Variants in SYNDIG1 observed in about 807,000 individuals in gnomAD.
The protein encoded by SYNDIG1 is synapse differentiation-inducing gene protein 1.
A neutral mutation model predicts 19.4 loss-of-function variants in SYNDIG1; 9 were observed. That is an observed-to-expected ratio of 0.46 (90% CI 0.28 to 0.81). SYNDIG1 has a LOEUF of 0.81. Ranked by LOEUF, SYNDIG1 falls within the 30% of genes least tolerant of loss-of-function variation. The pLI, the probability that SYNDIG1 is intolerant of heterozygous loss-of-function variation, is 0.12. For synonymous variants in SYNDIG1, 141 were observed against 145.9 expected, an observed-to-expected ratio of 0.97 and a Z score of 0.24; for missense variants, 311 against 343.3, an observed-to-expected ratio of 0.91 and a Z score of 0.74.
intron 1 of SYNDIG1, among the ~76,000 whole-genome samples, chr20:24,504,928 T>C (rs532621133): frequency 1.3e-5 from 2 of 152,266 alleles, no homozygotes; most frequent in South Asian, 2.1e-4. Context: ...TAGGAAATCG[T>C]TGAAGTGGCC....
intron 3 of SYNDIG1, among the ~76,000 whole-genome samples, chr20:24,641,123 T>G (rs1164819242): frequency 6.6e-6 from 1 of 152,206 alleles, no homozygotes; most frequent in African/African-American, 2.4e-5. Flanking sequence ...AATCCAAGAG[T>G]TAGAAGCTGT....
chr20:24,485,565 A>G (rs183657897), intron 1 of SYNDIG1, among the ~76,000 whole-genome samples: 1 of 152,210 alleles, frequency 6.6e-6, no homozygotes. Context: ...GCTAATTTTG[A>G]TATAATTTGG....
intron 1 of SYNDIG1, among the ~76,000 whole-genome samples, chr20:24,529,430 A>G (rs193288129): frequency 6.6e-6 from 1 of 152,042 alleles, no homozygotes; most frequent in African/African-American, 2.4e-5. Flanking sequence ...GAGTCAGATA[A>G]TATTTTAGGC....
intron 1 of SYNDIG1, among the ~76,000 whole-genome samples, chr20:24,507,591 TC>T (rs2056624899): frequency 6.6e-6 from 1 of 151,884 alleles, no homozygotes; most frequent in Non-Finnish European, 1.5e-5. Flanking sequence ...TGCAGAAGAG[TC>T]CCCTTGCCTG....
intron 3 of SYNDIG1, among the ~76,000 whole-genome samples, chr20:24,590,249 G>C (rs1195281750): frequency 2.0e-5 from 3 of 152,106 alleles, no homozygotes; most frequent in Admixed American, 2.0e-4. Context: ...GAGGCCCTGG[G>C]GGGAGCACGT....
At chr20:24,648,283 T>A (rs2147358619) in intron 3 of SYNDIG1, among the ~76,000 whole-genome samples, 1 of 152,334 alleles carries the variant, frequency 6.6e-6, no homozygotes, top group Middle Eastern at 3.4e-3. Context: ...CTTTTCCTTT[T>A]AAGACAGGAG....
intron 1 of SYNDIG1, among the ~76,000 whole-genome samples, chr20:24,483,033 A>G (rs1216331296): frequency 1.3e-5 from 2 of 152,254 alleles, no homozygotes; most frequent in Non-Finnish European, 2.9e-5. Context: ...TAAAAAACCT[A>G]TTTAAACACA....
In SYNDIG1 at chr20:24,662,351, G is replaced by A. The variant is rs1446444222; in HGVS notation, c.619-2995G>A. Among the ~76,000 whole-genome samples the A allele has an allele frequency of 3.3e-5, 5 of 152,032 alleles. No individual in the cohort carries two copies. The East Asian group carries it at 9.6e-4, about 29-fold the overall frequency. On this transcript the variant is annotated intron_variant, in intron 3 of 3. Transcript: ENST00000376862. The stretch of plus-strand genomic sequence containing the variant: ...GGTCTTCTACATATCTTTGCAACTA[G>A]GGAAGAGAAAGCAGGTCTTTTAATT...
In SYNDIG1 at chr20:24,665,872, ATGGAATACGG is replaced by A. The variant is rs1433234569; in HGVS notation, c.*371_*380del. 4.4e-6 allele frequency: 1 copy of A among 229,818 alleles called. No homozygotes were observed. The highest frequency in any genetic ancestry group is 2.3e-5 in the African/African-American group (1 of 42,818). 14.2% of individuals were successfully genotyped at this position (229,818 alleles called of 1,614,324 possible). On this transcript the variant is annotated 3_prime_UTR_variant, in exon 4 of 4. Transcript: ENST00000376862. ...CAGTCCAAAAAAGTGTTTATTTTTT[ATGGAATACGG>A]TGCAATAGGCAGAGGACAAGGGACA...
chr20:24,659,164 T>C (rs540774201), intron 3 of SYNDIG1, among the ~76,000 whole-genome samples: 7 of 152,274 alleles, frequency 4.6e-5, no homozygotes, highest in Admixed American at 1.3e-4. Flanking sequence ...TTCCCTTTAA[T>C]AGGTGTCACT....
chr20:24,643,418 G>A (rs770842812), intron 3 of SYNDIG1, among the ~76,000 whole-genome samples: 4 of 152,182 alleles, frequency 2.6e-5, no homozygotes, highest in Non-Finnish European at 4.4e-5. Flanking sequence ...GTGTTCATGA[G>A]AAGTAACTTT....
At chr20:24,539,953 A>AT (rs1472535236) in intron 1 of SYNDIG1, among the ~76,000 whole-genome samples, 1 of 151,908 alleles carries the variant, frequency 6.6e-6, no homozygotes, top group East Asian at 1.9e-4. Context: ...TAATTTTTGT[A>AT]TTTTTGGTAG....
At chr20:24,620,807 G>A (rs940424326) in intron 3 of SYNDIG1, among the ~76,000 whole-genome samples, 1 of 152,138 alleles carries the variant, frequency 6.6e-6, no homozygotes. Flanking sequence ...GAATAATGAC[G>A]GAACAATTGT....
intron 1 of SYNDIG1, among the ~76,000 whole-genome samples, chr20:24,478,134 T>C (rs2055688396): frequency 6.6e-6 from 1 of 152,106 alleles, no homozygotes; most frequent in African/African-American, 2.4e-5. Context: ...TAAACAATTG[T>C]GAGGAAATAA....
At chr20:24,608,215 T>G (rs1362406394) in intron 3 of SYNDIG1, among the ~76,000 whole-genome samples, 1 of 151,520 alleles carries the variant, frequency 6.6e-6, no homozygotes. Context: ...TGAGACAGTC[T>G]CGCTCTGTCA....
At chr20:24,590,323 G>T (rs1006308727) in intron 3 of SYNDIG1, among the ~76,000 whole-genome samples, 15 of 152,054 alleles carry the variant, frequency 9.9e-5, no homozygotes, top group Non-Finnish European at 2.2e-4. Context: ...AATGGGGGTA[G>T]GGGTAACTAA....
rs2059553103 is a variant in SYNDIG1, at chr20:24,658,608, C to A, written c.619-6738C>A. ...TGACATCGAACCGTGTGGAGTATGA[C>A]CCCCCACCCCCACCCCCCGGCGATT... is the stretch of plus-strand genomic sequence containing the variant. On this transcript the variant is annotated intron_variant, in intron 3 of 3. Transcript: ENST00000376862. This position sits in a 1 kb window ranked among gnomAD's most constrained non-coding sequence, Gnocchi z 4.4. Among the ~76,000 whole-genome samples, 1 of 151,616 alleles carries A rather than the reference C, an allele frequency of 6.6e-6. No homozygotes were observed. The highest frequency in any genetic ancestry group is 2.4e-5 in the African/African-American group (1 of 41,252).
At chr20:24,664,959 C>A (rs890612518) in intron 3 of SYNDIG1, among the ~76,000 whole-genome samples, 2 of 152,136 alleles carry the variant, frequency 1.3e-5, no homozygotes, top group African/African-American at 2.4e-5. Context: ...TTCAAATAAA[C>A]AAGCACACCA....
At chr20:24,543,682 G>A (rs1053561974) in intron 2 of SYNDIG1, 105 bp downstream of exon 2, 3 of 1,481,208 alleles carry the variant, frequency 2.0e-6, no homozygotes, top group Non-Finnish European at 2.7e-6. Context: ...TGAAACTAGT[G>A]TGCAAAAATG....
Sources: allele counts gnomAD v4.1 joint callset (sites outside exome capture counted in the v4.1 genomes callset), GRCh38; gene constraint gnomAD v4.1.1; non-coding constraint Gnocchi (gnomAD v3.1); transcripts MANE v1.5; gene names NCBI Gene and HGNC (gene_info 2026-07-23, HGNC 2026-07-21).